Variants in SMIM36 observed in about 807,000 individuals in gnomAD.
SMIM36 encodes small integral membrane protein 36.
rs548372043 is a variant in SMIM36, at chr17:55,452,467, G to T, written c.*532-2169C>A. On this transcript the variant is annotated intron_variant, in intron 4 of 4. Coordinates refer to ENST00000636752, the Ensembl canonical transcript of SMIM36. ...TAGGGCTGGAGAGGTGGGGGATTAT[G>T]ACCTCGGCCATGGATTTCAAATTCT... is the stretch of plus-strand genomic sequence containing the variant. Among the ~76,000 whole-genome samples, 91 of 152,314 alleles carry T rather than the reference G, an allele frequency of 6.0e-4. 2 individuals are homozygous for T. Among genetic ancestry groups the T allele is most frequent in the Non-Finnish European group, 1.2e-3 (85 of 68,032 alleles).
the SMIM36 span, among the ~76,000 whole-genome samples, chr17:55,521,283 GT>G: frequency 2.0e-5 from 3 of 152,358 alleles, no homozygotes; most frequent in African/African-American, 7.2e-5. Flanking sequence ...AGAGAGAAGA[GT>G]TTTGTAGCTT....
intron 2 of SMIM36, among the ~76,000 whole-genome samples, chr17:55,479,245 C>G (rs529484937): frequency 6.6e-6 from 1 of 152,296 alleles, no homozygotes; most frequent in East Asian, 1.9e-4. Context: ...TGCTTAGGAC[C>G]ACAGGCAGGT....
At chr17:55,493,540 T>A (rs72840436) in intron 1 of SMIM36, among the ~76,000 whole-genome samples, 40 of 152,278 alleles carry the variant, frequency 2.6e-4, no homozygotes, top group Admixed American at 6.5e-4. Flanking sequence ...CTGGATGTGG[T>A]GGCTCAAGCC....
At chr17:55,450,054 G>A (rs528236864) in exon 5 of SMIM36, 4 of 152,338 alleles carry the variant, frequency 2.6e-5, no homozygotes, top group African/African-American at 9.6e-5. Flanking sequence ...GACAGTAGGA[G>A]TTTTTCCTGG....
intron 4 of SMIM36, among the ~76,000 whole-genome samples, chr17:55,452,973 A>C (rs1908946720): frequency 1.3e-5 from 2 of 152,164 alleles, no homozygotes; most frequent in Non-Finnish European, 2.9e-5. Flanking sequence ...CTCTTACCAC[A>C]TCCTTTTCTC....
chr17:55,521,106 T>C, the SMIM36 span, among the ~76,000 whole-genome samples: 4 of 151,706 alleles, frequency 2.6e-5, no homozygotes, highest in African/African-American at 9.7e-5. Context: ...TTGACTGGAG[T>C]CTTGTGGCAG....
At chr17:55,518,518 A>G in the SMIM36 span, among the ~76,000 whole-genome samples, 2 of 152,216 alleles carry the variant, frequency 1.3e-5, no homozygotes, top group Non-Finnish European at 2.9e-5. Context: ...GTTAGTTTTG[A>G]GATTTTGCTA....
Position 55,501,248 on chromosome 17 carries a change from T to TAA in SMIM36, c.*174+9630_*174+9631insTT, listed in dbSNP as rs1271547821. Among the ~76,000 whole-genome samples the TAA allele has an allele frequency of 1.2e-4, 8 of 66,282 alleles. 1 individual carries two copies. Among genetic ancestry groups the TAA allele is most frequent in the African/African-American group, 3.4e-4 (7 of 20,368 alleles). The allele number at this position is 66,282 out of a possible 152,430, so 43.5% of individuals were successfully genotyped here. A position where few individuals can be genotyped will look rare whatever the true frequency, so the allele number is the denominator to read the frequency against. On this transcript the variant is annotated intron_variant, in intron 1 of 4. Transcript: ENST00000636752. ...ATATATTATAATATATAATATAGTA[T>TAA]TATATTTTATATTTTATAATATATT...
chr17:55,455,214 T>C (rs1908994178), intron 4 of SMIM36, among the ~76,000 whole-genome samples: 1 of 152,206 alleles, frequency 6.6e-6, no homozygotes, highest in Non-Finnish European at 1.5e-5. Flanking sequence ...GGAAATATGA[T>C]AGGGAATACA....
chr17:55,494,975 T>G (rs1909783341), intron 1 of SMIM36, among the ~76,000 whole-genome samples: 1 of 152,186 alleles, frequency 6.6e-6, no homozygotes, highest in Non-Finnish European at 1.5e-5. Context: ...CAGTGAAAAT[T>G]CAGGCAATGT....
At chr17:55,530,547 G>A in the SMIM36 span, among the ~76,000 whole-genome samples, 3 of 152,200 alleles carry the variant, frequency 2.0e-5, no homozygotes, top group Non-Finnish European at 4.4e-5. Flanking sequence ...CACTTTGGGA[G>A]GCCAAGGCAG....
intron 1 of SMIM36, among the ~76,000 whole-genome samples, chr17:55,484,126 C>T (rs1909566571): frequency 6.6e-6 from 1 of 151,724 alleles, no homozygotes; most frequent in African/African-American, 2.4e-5. Flanking sequence ...ATTTTTTAAA[C>T]AGAAAAAAAT....
At chr17:55,476,431 G>A (rs1296037615) in intron 3 of SMIM36, among the ~76,000 whole-genome samples, 1 of 151,962 alleles carries the variant, frequency 6.6e-6, no homozygotes, top group Non-Finnish European at 1.5e-5. Context: ...TCCTTTTTTG[G>A]ACTCAGCACC....
chr17:55,527,301 G>T, the SMIM36 span: 15 of 152,158 alleles, frequency 9.9e-5, no homozygotes, highest in African/African-American at 3.4e-4. Context: ...TCCTGGTGGG[G>T]ATTCTCTGGT....
intron 1 of SMIM36, among the ~76,000 whole-genome samples, chr17:55,493,669 G>A (rs898112290): frequency 6.6e-6 from 1 of 151,942 alleles, no homozygotes; most frequent in Admixed American, 6.6e-5. Flanking sequence ...AATTAGCCGG[G>A]TGTGATGGAG....
intron 1 of SMIM36, among the ~76,000 whole-genome samples, chr17:55,486,912 A>G (rs947436573): frequency 1.3e-5 from 2 of 152,194 alleles, no homozygotes; most frequent in African/African-American, 4.8e-5. Context: ...TTAAAGATCA[A>G]TTGATGGATG....
At chr17:55,530,686 G>A in the SMIM36 span, among the ~76,000 whole-genome samples, 3 of 152,116 alleles carry the variant, frequency 2.0e-5, no homozygotes, top group Non-Finnish European at 4.4e-5. Context: ...AGGAGGCTGA[G>A]GCAGGAGAAT....
chr17:55,458,256 A>C (rs1366526812), intron 4 of SMIM36: 1 of 152,220 alleles, frequency 6.6e-6, no homozygotes, highest in East Asian at 1.9e-4. Flanking sequence ...CCAAGCAAAC[A>C]GGCCCCCAGT....
At chr17:55,486,847 CAAA>C (rs1190974478) in intron 1 of SMIM36, among the ~76,000 whole-genome samples, 1 of 152,164 alleles carries the variant, frequency 6.6e-6, no homozygotes, top group Non-Finnish European at 1.5e-5. Context: ...TCAGCTCCCT[CAAA>C]ATTCCCAGAA....
Sources: gnomAD v4.1 joint callset for allele counts (sites outside exome capture counted in the v4.1 genomes callset) on GRCh38, gnomAD v4.1.1 for gene constraint, MANE v1.5 for transcripts, NCBI Gene and HGNC (gene_info 2026-07-23, HGNC 2026-07-21) for gene names.